TBC1D21: variants seen among roughly 807,000 people sequenced by gnomAD.
The protein encoded by TBC1D21 is male germ cell Rab GTPase-activating protein.
A neutral mutation model predicts 46.0 loss-of-function variants in TBC1D21; 38 were observed. The ratio of observed to expected loss-of-function variants is 0.83; its 90% CI spans 0.64 to 1.08. The LOEUF is 1.08. Ranked by LOEUF, TBC1D21 falls within the 50% of genes least tolerant of loss-of-function variation. The probability of loss-of-function intolerance (pLI) is 0.00; values close to 1 mark genes in which losing one functional copy is unlikely to be tolerated. For missense variants in TBC1D21, 415 were observed against 417.9 expected, an observed-to-expected ratio of 0.99 and a Z score of 0.06; for synonymous variants, 151 against 157.2, an observed-to-expected ratio of 0.96 and a Z score of 0.29.
the TBC1D21 span, among the ~76,000 whole-genome samples, chr15:73,894,274 G>A: frequency 3.3e-5 from 5 of 152,336 alleles, no homozygotes; most frequent in South Asian, 1.0e-3. Flanking sequence ...TCTCCTGTCT[G>A]GTCCTCTGCA....
intron 4 of TBC1D21, 81 bp from the exon 5 acceptor site, chr15:73,884,700 T>G: frequency 1.0e-6 from 1 of 977,606 alleles, no homozygotes; most frequent in Non-Finnish European, 1.6e-6. Flanking sequence ...GGCCTGCCCA[T>G]TGGGGTAGGG....
chr15:73,886,428 C>A, intron 7 of TBC1D21, 84 bp from the exon 8 acceptor site: 1 of 1,235,504 alleles, frequency 8.1e-7, no homozygotes, highest in Non-Finnish European at 1.2e-6. Context: ...GTTTTGCAGG[C>A]TCTGTAGTTT....
At chr15:73,897,488 G>C in the TBC1D21 span, among the ~76,000 whole-genome samples, 1 of 152,234 alleles carries the variant, frequency 6.6e-6, no homozygotes, top group Non-Finnish European at 1.5e-5. Context: ...TGCAGGATCT[G>C]TGGCTTCCCA....
At chr15:73,896,230 C>A in the TBC1D21 span, among the ~76,000 whole-genome samples, 1 of 152,054 alleles carries the variant, frequency 6.6e-6, no homozygotes, top group South Asian at 2.1e-4. Context: ...GGATGTGATT[C>A]TGCAGATGAA....
At chr15:73,886,905 CG>C (rs2068258378) in intron 8 of TBC1D21, among the ~76,000 whole-genome samples, 1 of 152,206 alleles carries the variant, frequency 6.6e-6, no homozygotes, top group Admixed American at 6.5e-5. Context: ...TCCACTTCCC[CG>C]CTGCCCTGCC....
Position 73,888,497 on chromosome 15 carries a change from A to C in TBC1D21, c.962A>C (p.Glu321Ala), listed in dbSNP as rs746169822. 6.8e-6 allele frequency: 11 copies of C among 1,613,884 alleles called. No homozygotes were observed. Among genetic ancestry groups the C allele is most frequent in the Admixed American group, 5.0e-5 (3 of 59,982 alleles). The part of the protein sequence containing the change: ...LISAACVVYA[E>A]LIQKDVPQTL... ...TCTGCCGCCTGCGTGGTTTATGCTG[A>C]GCTCATCCAGAAGGATGTAAGTTGC... The change falls in exon 10 of 11, where the codon GAG becomes GCG. Residue 321 changes from glutamate to alanine, a missense_variant. By Grantham distance (107) the Glu-to-Ala change is moderately radical. Coordinates refer to ENST00000300504, the MANE Select transcript of TBC1D21 (RefSeq NM_153356.3).
chr15:73,909,290 T>A, the TBC1D21 span, among the ~76,000 whole-genome samples: 1 of 152,020 alleles, frequency 6.6e-6, no homozygotes, highest in East Asian at 1.9e-4. Context: ...GAGAATTGCT[T>A]GAACCTGGGA....
the TBC1D21 span, among the ~76,000 whole-genome samples, chr15:73,905,036 C>T: frequency 6.6e-6 from 1 of 152,192 alleles, no homozygotes; most frequent in Admixed American, 6.5e-5. Flanking sequence ...AAGACCGTAG[C>T]AGCAGAGGGG....
At chr15:73,881,578 T>C in intron 2 of TBC1D21, 66 bp from the exon 3 acceptor site, 5 of 1,602,462 alleles carry the variant, frequency 3.1e-6, no homozygotes, top group Non-Finnish European at 3.4e-6. Flanking sequence ...AGGTGTGGCG[T>C]TGGATGAAGC....
At position 73,884,776 on chromosome 15, in the gene TBC1D21, C is replaced by T; in HGVS notation, c.368-5C>T. 2 of 1,612,196 alleles carry T rather than the reference C, an allele frequency of 1.2e-6. No homozygotes were observed. Among genetic ancestry groups the T allele is most frequent in the South Asian group, 1.1e-5 (1 of 90,900 alleles). ...CCACCTACTTGCCCCTTGCTTCCAA[C>T]CTAGCACGTGACATTCAGAAAATCT... On this transcript the variant is annotated splice_polypyrimidine_tract_variant and splice_region_variant and intron_variant, in intron 4 of 10. Coordinates refer to ENST00000300504, the MANE Select transcript of TBC1D21 (RefSeq NM_153356.3).
At chr15:73,876,694 T>A (rs914640416) in intron 1 of TBC1D21, among the ~76,000 whole-genome samples, 1 of 152,236 alleles carries the variant, frequency 6.6e-6, no homozygotes, top group Non-Finnish European at 1.5e-5. Flanking sequence ...ATTGCGTTGA[T>A]GCTGTATCTT....
At chr15:73,905,047 G>A in the TBC1D21 span, among the ~76,000 whole-genome samples, 5 of 152,210 alleles carry the variant, frequency 3.3e-5, no homozygotes, top group African/African-American at 7.2e-5. Context: ...AGCAGAGGGG[G>A]CCCAGGAGGG....
intron 6 of TBC1D21, 80 bp downstream of exon 6, chr15:73,885,183 G>A: frequency 3.1e-6 from 4 of 1,304,290 alleles, no homozygotes; most frequent in South Asian, 2.4e-5. Context: ...GGATGGGCAG[G>A]CATTGGCCAC....
chr15:73,888,561 C>CTCT (rs200617919), intron 10 of TBC1D21, 48 bp downstream of exon 10: 1 of 1,279,496 alleles, frequency 7.8e-7, no homozygotes, highest in Admixed American at 1.8e-5. Flanking sequence ...CCTCCTCCTC[C>CTCT]TCTTCCTCCT....
rs1175630379 is a variant in TBC1D21, at chr15:73,881,729, C to CGGT, written c.257_259dup (p.Val86dup). 1 of 1,613,722 alleles carries CGGT rather than the reference C, an allele frequency of 6.2e-7. No homozygotes were observed. Among genetic ancestry groups the CGGT allele is most frequent in the East Asian group, 2.2e-5 (1 of 44,866 alleles). On this transcript the variant is annotated inframe_insertion, in exon 3 of 11. Transcript: ENST00000300504. ...CAGAGTTCCCAGGATGAGCGGCTCA[C>CGGT]GGTGGACAGCATGAGGAGGTAGAAC...
the TBC1D21 span, among the ~76,000 whole-genome samples, chr15:73,898,193 C>T: frequency 6.6e-6 from 1 of 152,256 alleles, no homozygotes; most frequent in Non-Finnish European, 1.5e-5. Context: ...GCTGCTTCAC[C>T]AGCAGGGAAC....
At chr15:73,899,878 T>C in the TBC1D21 span, among the ~76,000 whole-genome samples, 1 of 152,172 alleles carries the variant, frequency 6.6e-6, no homozygotes, top group East Asian at 1.9e-4. Context: ...TTGGACCTTC[T>C]GTGGTTGGCC....
Position 73,889,068 on chromosome 15 carries a change from G to C in TBC1D21, c.979-1G>C. The C allele has an allele frequency of 6.2e-7, 1 of 1,613,504 alleles. No homozygotes were observed. The highest frequency in any genetic ancestry group is 8.5e-7 in the Non-Finnish European group (1 of 1,179,814). ...GCACCTCCCACCTGCCTCCTCCCTA[G>C]GTTCCTCAGACATTAAAGGATTTCT... On this transcript the variant is annotated splice_acceptor_variant, in intron 10 of 10. Transcript: ENST00000300504. LOFTEE classifies it high-confidence loss of function.
In TBC1D21 at chr15:73,888,534, G is replaced by GTCC. The variant is rs768364200; in HGVS notation, c.978+33_978+35dup. 483 of 1,571,360 alleles carry GTCC rather than the reference G, an allele frequency of 3.1e-4. 1 individual carries two copies. In the African/African-American group the frequency reaches 6.0e-3, roughly 20 times the overall value. On this transcript the variant is annotated intron_variant, in intron 10 of 10. Transcript: ENST00000300504. The stretch of plus-strand genomic sequence containing the variant: ...AGGATGTAAGTTGCCCCAATGATGT[G>GTCC]TCCTCCTCCTCCTCTTCCTCCTCCT...
Sources: allele counts gnomAD v4.1 joint callset (sites outside exome capture counted in the v4.1 genomes callset), GRCh38; gene constraint gnomAD v4.1.1; transcripts MANE v1.5; gene names NCBI Gene and HGNC (gene_info 2026-07-23, HGNC 2026-07-21).